ALG8: variants seen among roughly 807,000 people sequenced by gnomAD.
ALG8 encodes the protein ALG8 alpha-1,3-glucosyltransferase, also known as dolichyl pyrophosphate Glc1Man9GlcNAc2 alpha-1,3-glucosyltransferase.
In ALG8, 48 loss-of-function variants were observed where a neutral mutation model predicts 70.2. The ratio of observed to expected loss-of-function variants is 0.68; its 90% CI spans 0.54 to 0.87. The LOEUF (loss-of-function observed/expected upper bound fraction) is 0.87, where lower values mean the gene tolerates loss of function less well. ALG8 is among the 40% of genes least tolerant of loss of function. The pLI is 0.00. For synonymous variants in ALG8, 234 were observed against 229.0 expected (o/e 1.02, Z -0.20); for missense variants, 572 against 608.7 (o/e 0.94, Z 0.64).
intron 11 of ALG8, 147 bp downstream of exon 11, chr11:78,104,209 T>C: frequency 1.0e-6 from 1 of 954,810 alleles, no homozygotes; most frequent in Non-Finnish European, 1.5e-6. Flanking sequence ...TGCTGAGAAT[T>C]ACAGGAAATT....
At chr11:78,120,799 A>C (rs1860787743) in intron 4 of ALG8, among the ~76,000 whole-genome samples, 1 of 152,210 alleles carries the variant, frequency 6.6e-6, no homozygotes, top group Non-Finnish European at 1.5e-5. Flanking sequence ...AGATTAATCT[A>C]AAAATAGTTC....
intron 8 of ALG8, 149 bp from the exon 9 acceptor site, chr11:78,109,730 T>G (rs975240498): frequency 3.7e-6 from 3 of 802,510 alleles, no homozygotes; most frequent in Non-Finnish European, 6.0e-6. Flanking sequence ...AATCCTATAC[T>G]ATTCTACCCA....
At chr11:78,136,314 A>C (rs1287873384) in intron 1 of ALG8, among the ~76,000 whole-genome samples, 8 of 152,016 alleles carry the variant, frequency 5.3e-5, no homozygotes, top group Admixed American at 3.9e-4. Flanking sequence ...AAGAAAAAAA[A>C]AAAACAAACC....
chr11:78,114,258 A>T lies in ALG8; in HGVS notation c.673+8T>A. On this transcript the variant is annotated splice_region_variant and intron_variant, in intron 6 of 12. Transcript: ENST00000299626. ...GAAAATGTTTTTGCTATTATTACCAAAACTTGCCTGGTTTATTTGCAGTGA... is the reference window on the plus strand; with the variant it reads ...GAAAATGTTTTTGCTATTATTACCATAACTTGCCTGGTTTATTTGCAGTGA... 1 of 1,614,060 alleles carries T rather than the reference A, an allele frequency of 6.2e-7. No homozygotes were observed. Among genetic ancestry groups the T allele is most frequent in the South Asian group, 1.1e-5 (1 of 91,074 alleles).
chr11:78,106,257 G>A (rs1860025244), intron 10 of ALG8, among the ~76,000 whole-genome samples: 1 of 152,070 alleles, frequency 6.6e-6, no homozygotes, highest in African/African-American at 2.4e-5. Flanking sequence ...GAATGCAGTG[G>A]TGCGATCTCG....
intron 12 of ALG8, among the ~76,000 whole-genome samples, chr11:78,101,820 A>C (rs994321341): frequency 1.3e-5 from 2 of 152,046 alleles, no homozygotes; most frequent in Non-Finnish European, 2.9e-5. Context: ...GAACATGAGA[A>C]ACAATATAGA....
chr11:78,105,001 T>C (rs1032867959), intron 10 of ALG8, among the ~76,000 whole-genome samples: 1 of 151,742 alleles, frequency 6.6e-6, no homozygotes, highest in Non-Finnish European at 1.5e-5. Flanking sequence ...CCCTGAGTAA[T>C]TGCCTTCTCC....
intron 5 of ALG8, among the ~76,000 whole-genome samples, chr11:78,115,550 T>C (rs1241853531): frequency 6.7e-6 from 1 of 148,774 alleles, no homozygotes; most frequent in Non-Finnish European, 1.5e-5. Context: ...GCCTGGCTAA[T>C]TTTTTTGTAT....
At chr11:78,106,607 T>C (rs1338601281) in intron 10 of ALG8, among the ~76,000 whole-genome samples, 200 bp downstream of exon 10, 2 of 152,166 alleles carry the variant, frequency 1.3e-5, no homozygotes, top group Non-Finnish European at 2.9e-5. Flanking sequence ...GAAACAGAAA[T>C]AGTACATGCA....
At chr11:78,112,623 C>A in intron 8 of ALG8, 27 bp downstream of exon 8, 1 of 1,612,264 alleles carries the variant, frequency 6.2e-7, no homozygotes, top group South Asian at 1.1e-5. Context: ...TATTCAGAGT[C>A]TGAGTAAAAA....
In ALG8 at chr11:78,109,507, G is replaced by T. The variant is rs1456549581; in HGVS notation, c.973C>A (p.Gln325Lys). Residue 325 changes from glutamine to lysine, a missense_variant, in exon 9 of 13, where the codon CAA becomes AAA. Coordinates refer to ENST00000299626, the MANE Select transcript of ALG8 (RefSeq NM_024079.5). ...GTCACTGAGGGAAGGACTGTGTGTT[G>T]GAACTGCTGAACCAAACCACTTGTC... The part of the protein sequence containing the change: ...SMTSGLVQQF[Q>K]HTVLPSVTPL... 3.1e-6 allele frequency: 5 copies of T among 1,614,100 alleles called. No individual in the cohort carries two copies. Among genetic ancestry groups the T allele is most frequent in the Non-Finnish European group, 4.2e-6 (5 of 1,180,012 alleles).
intron 8 of ALG8, 158 bp downstream of exon 8, chr11:78,112,492 C>T: frequency 9.4e-7 from 1 of 1,060,874 alleles, no homozygotes; most frequent in Non-Finnish European, 1.4e-6. Context: ...AAGCCTCAGT[C>T]CCAAGAACTG....
intron 3 of ALG8, 76 bp downstream of exon 3, chr11:78,123,945 G>A: frequency 6.7e-7 from 1 of 1,497,246 alleles, no homozygotes; most frequent in Non-Finnish European, 9.3e-7. Context: ...TCCTAAATTG[G>A]GAGTAAGTTA....
chr11:78,119,356 C>CA (rs1458356202), intron 4 of ALG8, 107 bp from the exon 5 acceptor site: 2 of 726,578 alleles, frequency 2.8e-6, no homozygotes, highest in Non-Finnish European at 4.9e-6. Context: ...AAATTAAAGA[C>CA]AAAAAATACT....
intron 9 of ALG8, among the ~76,000 whole-genome samples, chr11:78,107,340 C>T (rs1472985912): frequency 6.0e-5 from 9 of 148,782 alleles, no homozygotes; most frequent in East Asian, 2.0e-4. Flanking sequence ...CCTGCCTCAA[C>T]CTCCCAAGTA....
At chr11:78,111,937 G>A (rs1021179527) in intron 8 of ALG8, among the ~76,000 whole-genome samples, 2 of 152,128 alleles carry the variant, frequency 1.3e-5, no homozygotes, top group African/African-American at 4.8e-5. Flanking sequence ...AATACCGAGA[G>A]TCACAACTTA....
At chr11:78,120,925 G>A in intron 4 of ALG8, 140 bp downstream of exon 4, 4 of 768,828 alleles carry the variant, frequency 5.2e-6, no homozygotes, top group Non-Finnish European at 8.8e-6. Context: ...AGAGACCACA[G>A]TTAAGTGAGC....
At chr11:78,112,852 G>T in intron 7 of ALG8, 82 bp from the exon 8 acceptor site, 5 of 1,524,884 alleles carry the variant, frequency 3.3e-6, no homozygotes, top group Middle Eastern at 1.9e-4. Flanking sequence ...ACTCTCTATG[G>T]TATAGTGTGT....
chr11:78,119,076 G>T, intron 5 of ALG8, 106 bp downstream of exon 5: 2 of 840,160 alleles, frequency 2.4e-6, no homozygotes, highest in Non-Finnish European at 4.0e-6. Flanking sequence ...GCACTTGGCA[G>T]CTCAAAACAG....
Sources: gnomAD v4.1 joint callset for allele counts (sites outside exome capture counted in the v4.1 genomes callset) on GRCh38, gnomAD v4.1.1 for gene constraint, MANE v1.5 for transcripts, NCBI Gene and HGNC (gene_info 2026-07-23, HGNC 2026-07-21) for gene names.